Variants in RARB observed in about 807,000 individuals in gnomAD.
The protein encoded by RARB is retinoic acid receptor beta, also known as HBV-activated protein.
A neutral mutation model predicts 51.9 loss-of-function variants in RARB; 17 were observed. That is an observed-to-expected ratio of 0.33 (90% CI 0.22 to 0.49). RARB has a LOEUF of 0.49. Ranked by LOEUF, RARB falls within the 20% of genes least tolerant of loss-of-function variation. The pLI, the probability that RARB is intolerant of heterozygous loss-of-function variation, is 0.99. For synonymous variants in RARB, 215 were observed against 195.4 expected (o/e 1.10, Z -0.84); for missense variants, 369 against 550.8 (o/e 0.67, Z 3.30).
chr3:24,999,701 C>G (rs759316773), intron 2 of RARB, among the ~76,000 whole-genome samples: 2 of 152,152 alleles, frequency 1.3e-5, no homozygotes, highest in Admixed American at 6.6e-5. Flanking sequence ...CTTACACTTG[C>G]TTCAGCACAA....
chr3:24,963,996 G>A (rs1475440382), intron 2 of RARB, among the ~76,000 whole-genome samples: 1 of 152,114 alleles, frequency 6.6e-6, no homozygotes, highest in Non-Finnish European at 1.5e-5. Context: ...GACAAATGAT[G>A]TCTGAACAGA....
rs145391185 is a variant in RARB, at chr3:25,245,798, C to G, written c.178+71223C>G. Among the ~76,000 whole-genome samples the G allele has an allele frequency of 1.8e-4, 28 of 152,042 alleles. No homozygotes were observed. The East Asian group carries it at 5.4e-3, about 29-fold the overall frequency. ...TGATGTGTCTTGGGGTTGCTCTTCTCGAGGAGATACTCTTGAGGAGTATCT... is the reference window on the plus strand; with the variant it reads ...TGATGTGTCTTGGGGTTGCTCTTCTGGAGGAGATACTCTTGAGGAGTATCT... On this transcript the variant is annotated intron_variant, in intron 5 of 11. Coordinates refer to the RARB transcript ENST00000383772.
chr3:25,356,665 G>A (rs573796274), intron 5 of RARB, among the ~76,000 whole-genome samples: 48 of 151,892 alleles, frequency 3.2e-4, no homozygotes, highest in Non-Finnish European at 6.0e-4. Context: ...CACTCCCCTT[G>A]CCCCCCATTC....
intron 3 of RARB, among the ~76,000 whole-genome samples, chr3:25,124,301 G>A (rs1205430940): frequency 6.6e-6 from 1 of 152,178 alleles, no homozygotes; most frequent in African/African-American, 2.4e-5. Context: ...TTGAACCCAG[G>A]AGGTGAAAGT....
chr3:25,532,778 C>G (rs960740218), intron 3 of RARB, among the ~76,000 whole-genome samples: 1 of 152,192 alleles, frequency 6.6e-6, no homozygotes, highest in Admixed American at 6.5e-5. Flanking sequence ...TAACTTCATT[C>G]TTTGTTGAGA....
chr3:25,497,396 T>C (rs1189733819), intron 2 of RARB, among the ~76,000 whole-genome samples: 1 of 152,140 alleles, frequency 6.6e-6, no homozygotes, highest in East Asian at 1.9e-4. Context: ...ATAGACAGTC[T>C]CTCTTTCCTT....
chr3:25,435,527 A>C (rs919274034), intron 1 of RARB, among the ~76,000 whole-genome samples: 1 of 152,134 alleles, frequency 6.6e-6, no homozygotes, highest in African/African-American at 2.4e-5. Context: ...GGGCTGGTCT[A>C]TTGGAAAGCT....
At chr3:25,153,074 A>G (rs1286726619) in intron 4 of RARB, among the ~76,000 whole-genome samples, 1 of 152,186 alleles carries the variant, frequency 6.6e-6, no homozygotes, top group African/African-American at 2.4e-5. Flanking sequence ...TACTACTTTC[A>G]TGGAATTCTT....
chr3:25,303,222 T>C (rs146605676), intron 5 of RARB, among the ~76,000 whole-genome samples: 21 of 152,256 alleles, frequency 1.4e-4, no homozygotes, highest in African/African-American at 5.1e-4. Context: ...CATTCGCAGG[T>C]GAGAAAACCC....
intron 2 of RARB, among the ~76,000 whole-genome samples, chr3:25,058,282 A>C (rs1357995909): frequency 6.6e-6 from 1 of 151,878 alleles, no homozygotes; most frequent in African/African-American, 2.4e-5. Context: ...CTGGATGTTG[A>C]TATAGTATGC....
chr3:25,336,611 GTTCC>G (rs920995773), intron 5 of RARB, among the ~76,000 whole-genome samples: 1 of 152,130 alleles, frequency 6.6e-6, no homozygotes, highest in African/African-American at 2.4e-5. Flanking sequence ...AAGGAGGGAT[GTTCC>G]TTCCTCTCTG....
intron 5 of RARB, among the ~76,000 whole-genome samples, chr3:25,266,561 A>G (rs1198603328): frequency 2.0e-5 from 3 of 152,154 alleles, no homozygotes; most frequent in Non-Finnish European, 4.4e-5. Context: ...GATCCTTTTT[A>G]TCAGACTTTG....
intron 2 of RARB, among the ~76,000 whole-genome samples, chr3:25,001,708 T>A (rs1466912938): frequency 6.6e-6 from 1 of 152,202 alleles, no homozygotes; most frequent in Non-Finnish European, 1.5e-5. Context: ...ATAAATATTG[T>A]TCCATCCCAT....
chr3:25,250,361 C>G (rs1702681949), intron 5 of RARB, among the ~76,000 whole-genome samples: 1 of 152,092 alleles, frequency 6.6e-6, no homozygotes, highest in South Asian at 2.1e-4. Context: ...TCCCAGGACC[C>G]CAGATGAATG....
intron 5 of RARB, among the ~76,000 whole-genome samples, chr3:25,381,228 C>T (rs1706615494): frequency 1.3e-5 from 2 of 152,096 alleles, no homozygotes; most frequent in Admixed American, 1.3e-4. Flanking sequence ...TTGTTAACAT[C>T]CCATTTAAGG....
chr3:24,876,571 CT>C (rs1703046996), intron 2 of RARB, among the ~76,000 whole-genome samples: 1 of 152,056 alleles, frequency 6.6e-6, no homozygotes, highest in Non-Finnish European at 1.5e-5. Flanking sequence ...AATATTTTAG[CT>C]TTTTAACCCA....
chr3:25,478,220 G>T lies in RARB; in HGVS notation c.306+16879G>T, dbSNP rs1376071192. Among the ~76,000 whole-genome samples, 3 of 152,142 alleles carry T rather than the reference G, an allele frequency of 2.0e-5. No individual in the cohort carries two copies. The East Asian group carries it at 5.8e-4, about 29-fold the overall frequency. ...TTAAAGCAGCCACAGATCCATCCAG[G>T]TACAAGAGGAGGGGACATAAACCCT... On this transcript the variant is annotated intron_variant, in intron 2 of 7. Coordinates refer to ENST00000330688, the MANE Select transcript of RARB (RefSeq NM_000965.5).
rs542719224 is a variant in RARB, at chr3:25,086,178, A to G, written c.-328+26002A>G. On this transcript the variant is annotated intron_variant, in intron 3 of 11. Transcript: ENST00000383772. ...TATCATATCCACTCATATTCTGGTT[A>G]TAGGAATGGTGAATTCTAATTAGCC... Among the ~76,000 whole-genome samples the G allele has an allele frequency of 1.1e-3, 166 of 152,306 alleles. 1 individual carries two copies. The highest frequency in any genetic ancestry group is 1.8e-3 in the Non-Finnish European group (123 of 68,018).
At chr3:25,572,019 T>C (rs1700732452) in intron 4 of RARB, among the ~76,000 whole-genome samples, 1 of 152,232 alleles carries the variant, frequency 6.6e-6, no homozygotes, top group African/African-American at 2.4e-5. Flanking sequence ...TACTTACTAA[T>C]TGCCAACCAT....
Sources: allele counts gnomAD v4.1 joint callset (sites outside exome capture counted in the v4.1 genomes callset), GRCh38; gene constraint gnomAD v4.1.1; transcripts MANE v1.5; gene names NCBI Gene and HGNC (gene_info 2026-07-23, HGNC 2026-07-21).